TNPO3: variants seen among roughly 807,000 people sequenced by gnomAD.
The protein encoded by TNPO3 is transportin-3.
TNPO3 carries 65 observed loss-of-function variants against 122.8 expected under a neutral mutation model. The ratio of observed to expected loss-of-function variants is 0.53; its 90% CI spans 0.43 to 0.65. The LOEUF (loss-of-function observed/expected upper bound fraction) is 0.65, where lower values mean the gene tolerates loss of function less well. Among genes scored for constraint, TNPO3 ranks in the 30% least tolerant of loss-of-function variants. The probability of loss-of-function intolerance (pLI) is 0.00; values close to 1 mark genes in which losing one functional copy is unlikely to be tolerated. For missense variants in TNPO3, 850 were observed against 1,136.7 expected (o/e 0.75, Z 3.63); for synonymous variants, 372 against 411.2 (o/e 0.90, Z 1.15).
chr7:129,025,388 A>G lies in TNPO3; in HGVS notation c.121-7231T>C, dbSNP rs551453436. ...AAAAAAAAAAAAAAAAAAAAAAAAAAAAAAAAAAACCAGCTGGACTCAACT... is the reference window on the plus strand; with the variant it reads ...AAAAAAAAAAAAAAAAAAAAAAAAAGAAAAAAAAACCAGCTGGACTCAACT... On this transcript the variant is annotated intron_variant, in intron 1 of 22. Transcript: ENST00000265388. Among the ~76,000 whole-genome samples the G allele has an allele frequency of 2.1e-4, 28 of 132,050 alleles. 1 individual carries two copies. The South Asian group carries it at 6.9e-3, about 33-fold the overall frequency. The allele number at this position is 132,050 out of a possible 152,430, so 86.6% of individuals were successfully genotyped here. A position where few individuals can be genotyped will look rare whatever the true frequency, so the allele number is the denominator to read the frequency against.
chr7:128,990,906 A>G (rs1176860331), intron 10 of TNPO3, among the ~76,000 whole-genome samples: 1 of 152,208 alleles, frequency 6.6e-6, no homozygotes. Context: ...CTGCTAATAA[A>G]CTAGTCTATT....
intron 1 of TNPO3, among the ~76,000 whole-genome samples, chr7:129,047,306 T>C (rs1808171744): frequency 6.6e-6 from 1 of 152,174 alleles, no homozygotes; most frequent in South Asian, 2.1e-4. Flanking sequence ...TATGAAGAGA[T>C]GGTCTTTCCT....
intron 1 of TNPO3, among the ~76,000 whole-genome samples, chr7:129,023,958 G>A (rs1194534652): frequency 6.6e-6 from 1 of 152,128 alleles, no homozygotes; most frequent in Admixed American, 6.5e-5. Context: ...ATAACAGCTA[G>A]TTACATCACA....
rs1428060637 is a variant in TNPO3, at chr7:129,005,032, A to G, written c.680T>C (p.Leu227Pro). 1 of 1,613,168 alleles carries G rather than the reference A, an allele frequency of 6.2e-7. No homozygotes were observed. The highest frequency in any genetic ancestry group is 8.5e-7 in the Non-Finnish European group (1 of 1,179,610). ...NFMANNKLLA[L>P]LFEVLQQDKT... ...ATTACTTACCAAAACCTCAAAAAGG[A>G]GTGCTAGTAATTTATTGTTAGCCAT... Residue 227 changes from leucine to proline, a missense_variant, in exon 5 of 23, where the codon CTC (leucine) becomes CCC (proline). By Grantham distance (98) the Leu-to-Pro change is moderately conservative (BLOSUM62 -3). Transcript: ENST00000265388.
At chr7:128,996,471 C>T (rs1200476701) in intron 8 of TNPO3, among the ~76,000 whole-genome samples, 4 of 151,952 alleles carry the variant, frequency 2.6e-5, no homozygotes, top group East Asian at 1.9e-4. Flanking sequence ...TGGCCAGGGG[C>T]GGTGGCTCAC....
At chr7:129,009,603 G>A (rs1802961789) in intron 4 of TNPO3, among the ~76,000 whole-genome samples, 1 of 152,338 alleles carries the variant, frequency 6.6e-6, no homozygotes, top group South Asian at 2.1e-4. Flanking sequence ...CACGTGCCTT[G>A]AATGCCCAAG....
intron 1 of TNPO3, among the ~76,000 whole-genome samples, chr7:129,034,733 CA>C (rs571842368): frequency 7.2e-4 from 100 of 138,652 alleles, no homozygotes; most frequent in Admixed American, 8.8e-4. Context: ...ACTAAAAATA[CA>C]AAAAAAAAAA....
intron 19 of TNPO3, among the ~76,000 whole-genome samples, 157 bp downstream of exon 19, chr7:128,972,269 T>G (rs752651611): frequency 6.6e-6 from 1 of 152,216 alleles, no homozygotes; most frequent in Non-Finnish European, 1.5e-5. Flanking sequence ...ACAAGTGTCT[T>G]AGTTGATATT....
rs528501589 is a variant in TNPO3, at chr7:129,019,510, G to A, written c.121-1353C>T. Among the ~76,000 whole-genome samples the A allele has an allele frequency of 1.1e-3, 170 of 152,202 alleles. 1 individual carries two copies. The highest frequency in any genetic ancestry group is 4.0e-3 in the African/African-American group (168 of 41,528). The stretch of plus-strand genomic sequence containing the variant: ...CTTGTACAAGTTCCTAAAGTAAATG[G>A]AAAATAAAGACCCTGAATTTCCTAA... On this transcript the variant is annotated intron_variant, in intron 1 of 22. Transcript: ENST00000265388.
At chr7:129,006,274 A>G (rs1177500680) in intron 4 of TNPO3, among the ~76,000 whole-genome samples, 3 of 152,226 alleles carry the variant, frequency 2.0e-5, no homozygotes, top group African/African-American at 7.2e-5. Flanking sequence ...TATCCAAAAA[A>G]TTATTTTACA....
chr7:129,037,714 G>C (rs573767266), intron 1 of TNPO3, among the ~76,000 whole-genome samples: 2 of 152,170 alleles, frequency 1.3e-5, no homozygotes, highest in East Asian at 1.9e-4. Flanking sequence ...CTACGGGGAG[G>C]GGGCAGCAAA....
At chr7:129,009,734 A>C (rs1465914465) in intron 4 of TNPO3, among the ~76,000 whole-genome samples, 1 of 152,176 alleles carries the variant, frequency 6.6e-6, no homozygotes, top group African/African-American at 2.4e-5. Context: ...ATTAACTCTC[A>C]CCTCAGGCCA....
chr7:128,987,012 T>G (rs911845322), intron 11 of TNPO3, 92 bp from the exon 12 acceptor site: 28 of 1,347,494 alleles, frequency 2.1e-5, no homozygotes, highest in Non-Finnish European at 2.8e-5. Context: ...TTTTCTTTTT[T>G]TAAAGCAAAA....
At chr7:129,043,331 T>C (rs1351707961) in intron 1 of TNPO3, among the ~76,000 whole-genome samples, 1 of 152,072 alleles carries the variant, frequency 6.6e-6, no homozygotes, top group Non-Finnish European at 1.5e-5. Flanking sequence ...GGAAGATCAC[T>C]GAAGCCCTAG....
At chr7:129,015,246 T>C (rs1341265679) in intron 3 of TNPO3, 111 bp from the exon 4 acceptor site, 4 of 1,060,186 alleles carry the variant, frequency 3.8e-6, no homozygotes, top group African/African-American at 1.6e-5. Context: ...TTCCCACCAC[T>C]GTTAAGGGGG....
In TNPO3 at chr7:128,967,385, C is replaced by A. The variant is rs1798023034; in HGVS notation, c.2606G>T (p.Cys869Phe). The A allele has an allele frequency of 6.2e-7, 1 of 1,610,566 alleles. No individual in the cohort carries two copies. Among genetic ancestry groups the A allele is most frequent in the Non-Finnish European group, 8.5e-7 (1 of 1,176,930 alleles). Reference sequence around the variant, plus strand: ...TTTTAAGGAATTTTCTAACCATCGACAAAAAGTCTGTATAGGAAAGAGGGG... The same window carrying A: ...TTTTAAGGAATTTTCTAACCATCGAAAAAAAGTCTGTATAGGAAAGAGGGG... ...EIMQVDRPTF[C>F]RWLENSLKGL... The change falls in exon 21 of 23, where the codon TGT (cysteine) becomes TTT (phenylalanine). Residue 869 changes from cysteine (C) to phenylalanine (F), a missense_variant. By Grantham distance (205) the Cys-to-Phe change is radical (BLOSUM62 -2). Coordinates refer to ENST00000265388, the MANE Select transcript of TNPO3 (RefSeq NM_012470.4).
chr7:129,005,619 C>G (rs1476621148), intron 4 of TNPO3, among the ~76,000 whole-genome samples: 12 of 151,860 alleles, frequency 7.9e-5, no homozygotes. Flanking sequence ...TCTCTCCTGC[C>G]GGCCGTGTGA....
At chr7:128,994,442 C>T (rs2150360256) in intron 8 of TNPO3, among the ~76,000 whole-genome samples, 1 of 152,136 alleles carries the variant, frequency 6.6e-6, no homozygotes, top group South Asian at 2.1e-4. Flanking sequence ...CGTGAGCCGG[C>T]ATGCCCTGCT....
intron 8 of TNPO3, among the ~76,000 whole-genome samples, chr7:128,996,560 G>A (rs1001744869): frequency 7.2e-5 from 11 of 151,794 alleles, no homozygotes; most frequent in Non-Finnish European, 1.3e-4. Flanking sequence ...TGGCTAACAC[G>A]GTGAAACCCC....
Sources: allele counts gnomAD v4.1 joint callset (sites outside exome capture counted in the v4.1 genomes callset), GRCh38; gene constraint gnomAD v4.1.1; transcripts MANE v1.5; gene names NCBI Gene and HGNC (gene_info 2026-07-23, HGNC 2026-07-21).